The following METRNL variants were observed in gnomAD, a reference collection of about 807,000 sequenced individuals.
The protein encoded by METRNL is meteorin like, glial cell differentiation regulator, also known as meteorin-like protein.
In METRNL, 9 loss-of-function variants were observed where a neutral mutation model predicts 17.4. The observed-to-expected ratio is 0.52, with a 90% confidence interval of 0.31 to 0.90. The LOEUF (loss-of-function observed/expected upper bound fraction) is 0.90. Ranked by LOEUF, METRNL falls within the 40% of genes least tolerant of loss-of-function variation. The pLI, the probability that METRNL is intolerant of heterozygous loss-of-function variation, is 0.05. For missense variants in METRNL, 408 were observed against 430.7 expected (o/e 0.95, Z 0.47); for synonymous variants, 215 against 199.3 (o/e 1.08, Z -0.66).
rs201337303 is a variant in METRNL, at chr17:83,085,111, C to G, written c.344C>G (p.Ser115Trp). 6.2e-7 allele frequency: 1 copy of G among 1,613,672 alleles called. No homozygotes were observed. Among genetic ancestry groups the G allele is most frequent in the African/African-American group, 1.3e-5 (1 of 74,944 alleles). Residue 115 changes from serine to tryptophan, a missense_variant, in exon 2 of 4, where the codon TCG becomes TGG. Ser to Trp is a radical substitution (Grantham distance 177, BLOSUM62 -3). Transcript: ENST00000320095. ...TVCIRSFTDS[S>W]GANIYLEKTG... ...TGCATCAGGTCCTTCACGGACTCCT[C>G]GGGGGCCAATATTTATTTGGAAAAA...
At chr17:83,089,553 A>G (rs1047208095) in intron 2 of METRNL, among the ~76,000 whole-genome samples, 5 of 146,920 alleles carry the variant, frequency 3.4e-5, no homozygotes, top group African/African-American at 7.6e-5. Flanking sequence ...CACCCTGTTC[A>G]TGCTAGCTCC....
At chr17:83,086,625 A>G (rs1184583576) in intron 2 of METRNL, among the ~76,000 whole-genome samples, 2 of 152,212 alleles carry the variant, frequency 1.3e-5, no homozygotes, top group Non-Finnish European at 2.9e-5. Flanking sequence ...GCCAGATGTT[A>G]GGAACTTGCA....
intron 1 of METRNL, chr17:83,082,106 G>A (rs1273388760): frequency 2.0e-6 from 2 of 985,288 alleles, no homozygotes; most frequent in Admixed American, 6.1e-5. Context: ...CCCTTCCGTG[G>A]GGGGAGGCGG....
intron 2 of METRNL, among the ~76,000 whole-genome samples, chr17:83,090,176 G>A (rs867777332): frequency 4.9e-4 from 11 of 22,510 alleles, no homozygotes; most frequent in Admixed American, 3.1e-3. Context: ...ACACACCCCT[G>A]CCCCGCCCCA....
chr17:83,085,249 TC>T lies in METRNL; in HGVS notation c.483del (p.Ile161MetfsTer38). The T allele has an allele frequency of 2.5e-6, 4 of 1,576,836 alleles. No individual in the cohort carries two copies. Among genetic ancestry groups the T allele is most frequent in the Non-Finnish European group, 3.4e-6 (4 of 1,160,012 alleles). ...GTGGAGGCCACGCCGCAGCAGGATATCGGCCGGAGGACCACAGGCTTCCAGT... is the reference window on the plus strand; with the variant it reads ...GTGGAGGCCACGCCGCAGCAGGATATGGCCGGAGGACCACAGGCTTCCAGT... The part of the protein sequence containing the change: ...LFVEATPQQD[I>X]GRRTTGFQYE... On this transcript the variant is annotated frameshift_variant, in exon 2 of 4. Transcript: ENST00000320095. LOFTEE classifies it high-confidence loss of function.
Position 83,094,334 on chromosome 17 carries a change from T to G in METRNL, c.695T>G (p.Leu232Arg), listed in dbSNP as rs2038175942. The stretch of plus-strand genomic sequence containing the variant: ...GCCATCCACCTGCGCGTGAGCAGAC[T>G]CTATCGGCAGAAAAGCAGGGTCTTC... ...DSAIHLRVSR[L>R]YRQKSRVFEP... The change falls in exon 4 of 4, where the codon CTC (leucine) becomes CGC (arginine). Residue 232 changes from leucine (L) to arginine (R), a missense_variant. By Grantham distance (102) the Leu-to-Arg change is moderately radical (BLOSUM62 -2). Coordinates refer to ENST00000320095, the MANE Select transcript of METRNL (RefSeq NM_001004431.3). The G allele has an allele frequency of 1.9e-6, 3 of 1,610,136 alleles. No individual in the cohort carries two copies. The highest frequency in any genetic ancestry group is 1.7e-6 in the Non-Finnish European group (2 of 1,178,078).
At chr17:83,093,649 G>A (rs143196719) in intron 3 of METRNL, among the ~76,000 whole-genome samples, 1 of 152,178 alleles carries the variant, frequency 6.6e-6, no homozygotes, top group East Asian at 1.9e-4. Context: ...GAGGCCCCCG[G>A]CGGCTCTGCG....
chr17:83,084,925 C>A lies in METRNL; in HGVS notation c.171-13C>A, dbSNP rs373604085. 6.2e-7 allele frequency: 1 copy of A among 1,601,922 alleles called. No homozygotes were observed. Among genetic ancestry groups the A allele is most frequent in the African/African-American group, 1.3e-5 (1 of 74,812 alleles). ...GAGCTCCGGGCCTGGCTGACAGTGT[C>A]TCTCCTCTGCAGCGGGCTGACGCAC... On this transcript the variant is annotated splice_polypyrimidine_tract_variant and intron_variant, in intron 1 of 3. Transcript: ENST00000320095.
chr17:83,089,482 A>T (rs183375842), intron 2 of METRNL, among the ~76,000 whole-genome samples: 120 of 151,836 alleles, frequency 7.9e-4, no homozygotes, highest in Non-Finnish European at 1.6e-3. Context: ...TCTACTTAAC[A>T]CCTGCCGTGC....
At position 83,079,704 on chromosome 17, in the gene METRNL, G is replaced by T; in HGVS notation, c.-112G>T. ...CGCGCGGAGGACGCGGGGGGCGCGC[G>T]ACGTGACCACCCGGACTCGAAGCCC... On this transcript the variant is annotated 5_prime_UTR_variant, in exon 1 of 4. Coordinates refer to ENST00000320095, the MANE Select transcript of METRNL (RefSeq NM_001004431.3). 3.0e-6 allele frequency: 1 copy of T among 330,578 alleles called. No individual in the cohort carries two copies. Among genetic ancestry groups the T allele is most frequent in the South Asian group, 1.1e-4 (1 of 8,906 alleles). 20.5% of individuals were successfully genotyped at this position (330,578 alleles called of 1,614,324 possible). A position where few individuals can be genotyped will look rare whatever the true frequency, so the allele number is the denominator to read the frequency against.
chr17:83,085,669 C>T (rs1487323900), intron 2 of METRNL, among the ~76,000 whole-genome samples: 2 of 152,178 alleles, frequency 1.3e-5, no homozygotes, highest in East Asian at 1.9e-4. Flanking sequence ...TGGCCTTGGC[C>T]GAGCGGGGCC....
chr17:83,089,969 G>C (rs527894108), intron 2 of METRNL, among the ~76,000 whole-genome samples: 7 of 152,032 alleles, frequency 4.6e-5, no homozygotes, highest in Admixed American at 2.6e-4. Context: ...CCCAGGGCAC[G>C]TGAGGGCAGC....
chr17:83,087,832 C>T (rs534519122), intron 2 of METRNL, among the ~76,000 whole-genome samples: 38 of 152,248 alleles, frequency 2.5e-4, no homozygotes, highest in Non-Finnish European at 4.3e-4. Context: ...GGGAGGTGGA[C>T]GAGCTCGTCT....
rs199878546 is a variant in METRNL, at chr17:83,085,359, C to A, written c.556+36C>A. 5,329 of 1,510,692 alleles carry A rather than the reference C, an allele frequency of 3.5e-3. 227 individuals are homozygous for A. In the South Asian group the frequency reaches 0.066, roughly 19 times the overall value. The allele number at this position is 1,510,692 out of a possible 1,614,324, so 93.6% of individuals were successfully genotyped here. A position where few individuals can be genotyped will look rare whatever the true frequency, so the allele number is the denominator to read the frequency against. On this transcript the variant is annotated intron_variant, in intron 2 of 3. Transcript: ENST00000320095. ...TGCCTGGGGCGGGGGCGGCGGGCCT[C>A]GTCATCACGGGGCTGGTGATGTGGC... is the stretch of plus-strand genomic sequence containing the variant.
chr17:83,081,205 C>G (rs2037983016), intron 1 of METRNL, among the ~76,000 whole-genome samples: 2 of 152,000 alleles, frequency 1.3e-5, no homozygotes, highest in African/African-American at 4.8e-5. Context: ...GCCGGGAACG[C>G]CGGCGCCGGG....
Position 83,093,209 on chromosome 17 carries a change from T to C in METRNL, c.599T>C (p.Val200Ala), listed in dbSNP as rs956589548. The C allele has an allele frequency of 1.1e-5, 17 of 1,608,160 alleles. No homozygotes were observed. Among genetic ancestry groups the C allele is most frequent in the African/African-American group, 2.7e-5 (2 of 74,914 alleles). ...PCSDTEVLLAVCTSDFAVRGS... is the reference protein window; with the variant it reads ...PCSDTEVLLAACTSDFAVRGS... ...AGTGACACCGAGGTGCTCCTAGCCG[T>C]CTGCACCAGCGACTTCGGTGAGTGT... Residue 200 changes from valine (V) to alanine (A), a missense_variant, in exon 3 of 4, where the codon GTC becomes GCC. Physicochemically the swap from Val to Ala is moderately conservative, Grantham distance 64. Transcript: ENST00000320095.
chr17:83,086,738 C>G (rs1329475332), intron 2 of METRNL, among the ~76,000 whole-genome samples: 1 of 152,206 alleles, frequency 6.6e-6, no homozygotes, highest in African/African-American at 2.4e-5. Flanking sequence ...GGGTGAGATT[C>G]TTAGAGAGGC....
intron 2 of METRNL, among the ~76,000 whole-genome samples, 191 bp downstream of exon 2, chr17:83,085,514 G>A (rs1022017043): frequency 2.6e-5 from 4 of 152,142 alleles, no homozygotes; most frequent in Admixed American, 6.5e-5. Flanking sequence ...GGACACTGGC[G>A]CCCGCAGAGG....
Position 83,094,651 on chromosome 17 carries a change from C to A in METRNL, c.*76C>A. ...GCGCTGCGGTCCTGGTGGGGCCGTGCGGTGAGGGCCGCGCGCTGGGAGCCG... is the reference window on the plus strand; with the variant it reads ...GCGCTGCGGTCCTGGTGGGGCCGTGAGGTGAGGGCCGCGCGCTGGGAGCCG... On this transcript the variant is annotated 3_prime_UTR_variant, in exon 4 of 4. Coordinates refer to ENST00000320095, the MANE Select transcript of METRNL (RefSeq NM_001004431.3). 1 of 1,226,172 alleles carries A rather than the reference C, an allele frequency of 8.2e-7. No individual in the cohort carries two copies. Among genetic ancestry groups the A allele is most frequent in the Non-Finnish European group, 1.1e-6 (1 of 939,542 alleles). 76.0% of individuals were successfully genotyped at this position (1,226,172 alleles called of 1,614,324 possible). A position where few individuals can be genotyped will look rare whatever the true frequency, so the allele number is the denominator to read the frequency against.
Sources: gnomAD v4.1 joint callset for allele counts (sites outside exome capture counted in the v4.1 genomes callset) on GRCh38, gnomAD v4.1.1 for gene constraint, MANE v1.5 for transcripts, NCBI Gene and HGNC (gene_info 2026-07-23, HGNC 2026-07-21) for gene names.